The following ARHGAP28 variants were observed in gnomAD, a reference collection of about 807,000 sequenced individuals.
ARHGAP28 encodes rho GTPase-activating protein 28.
In ARHGAP28, 56 loss-of-function variants were observed where a neutral mutation model predicts 90.7. That is an observed-to-expected ratio of 0.62 (90% confidence interval 0.50 to 0.77). ARHGAP28 has a LOEUF of 0.77. Among genes scored for constraint, ARHGAP28 ranks in the 30% least tolerant of loss-of-function variants. ARHGAP28 has a pLI of 0.00. For missense variants in ARHGAP28, 869 were observed against 900.9 expected (o/e 0.96, Z 0.45); for synonymous variants, 308 against 323.3 (o/e 0.95, Z 0.51).
At chr18:6,862,138 T>G (rs990094189) in intron 5 of ARHGAP28, among the ~76,000 whole-genome samples, 3 of 152,218 alleles carry the variant, frequency 2.0e-5, no homozygotes, top group African/African-American at 7.2e-5. Flanking sequence ...AGTGGCTCAC[T>G]GATGCCAAGT....
intron 3 of ARHGAP28, among the ~76,000 whole-genome samples, chr18:6,849,526 C>G (rs988194261): frequency 2.0e-5 from 3 of 152,142 alleles, no homozygotes; most frequent in Admixed American, 6.5e-5. Context: ...CAGATTGTGC[C>G]TTTTACTCTT....
chr18:6,854,585 C>T (rs1299691636), intron 4 of ARHGAP28, among the ~76,000 whole-genome samples: 1 of 152,178 alleles, frequency 6.6e-6, no homozygotes, highest in East Asian at 1.9e-4. Flanking sequence ...TTATTGAAGG[C>T]AGGCCCCTCT....
At chr18:6,900,091 A>C (rs1244589977) in intron 16 of ARHGAP28, among the ~76,000 whole-genome samples, 2 of 152,166 alleles carry the variant, frequency 1.3e-5, no homozygotes, top group Non-Finnish European at 2.9e-5. Context: ...TCCCAATTGG[A>C]GACAATGAGG....
chr18:6,843,293 A>G (rs1008354383), intron 3 of ARHGAP28, among the ~76,000 whole-genome samples: 6 of 152,064 alleles, frequency 3.9e-5, no homozygotes, highest in Non-Finnish European at 8.8e-5. Flanking sequence ...AGAGTTAACT[A>G]CTGCCGCTCT....
chr18:6,794,944 A>G (rs2056431332), intron 1 of ARHGAP28, among the ~76,000 whole-genome samples: 1 of 151,894 alleles, frequency 6.6e-6, no homozygotes, highest in South Asian at 2.1e-4. Flanking sequence ...GGGCCTCCCA[A>G]AGTGCTGAGA....
At chr18:6,860,633 G>A (rs1471205235) in intron 5 of ARHGAP28, among the ~76,000 whole-genome samples, 1 of 152,188 alleles carries the variant, frequency 6.6e-6, no homozygotes, top group Non-Finnish European at 1.5e-5. Flanking sequence ...TGCTGGGGCA[G>A]TTTTTCCTCA....
At chr18:6,911,728 G>A (rs560672373) in intron 17 of ARHGAP28, among the ~76,000 whole-genome samples, 8 of 152,178 alleles carry the variant, frequency 5.3e-5, no homozygotes, top group South Asian at 2.1e-4. Flanking sequence ...GAGCCACTGC[G>A]CCCAGCCCTT....
At chr18:6,812,413 A>G (rs796277752) in intron 1 of ARHGAP28, among the ~76,000 whole-genome samples, 57 of 152,308 alleles carry the variant, frequency 3.7e-4, no homozygotes, top group African/African-American at 1.4e-3. Context: ...TTTGCTCACA[A>G]AAGAGTCTAT....
At chr18:6,760,388 G>A (rs2056149602) in intron 1 of ARHGAP28, among the ~76,000 whole-genome samples, 1 of 152,056 alleles carries the variant, frequency 6.6e-6, no homozygotes, top group South Asian at 2.1e-4. Flanking sequence ...TTAGGTCCAG[G>A]TAAGAAACAA....
chr18:6,819,251 T>G (rs2056611157), intron 1 of ARHGAP28, among the ~76,000 whole-genome samples: 1 of 152,190 alleles, frequency 6.6e-6, no homozygotes, highest in African/African-American at 2.4e-5. Context: ...TACAATGTTT[T>G]GTGGGAGTTC....
In ARHGAP28 at chr18:6,875,922, A is replaced by G. The variant is rs78366945; in HGVS notation, c.1213-209A>G. ...GAGGTTGATCTTGGGAAAGTTGTAT[A>G]ACTGCTATAAATCTCTACTTTCTCA... On this transcript the variant is annotated intron_variant, in intron 9 of 17. Coordinates refer to ENST00000383472, the MANE Select transcript of ARHGAP28 (RefSeq NM_001366230.1). Among the ~76,000 whole-genome samples, 1,420 of 152,340 alleles carry G rather than the reference A, an allele frequency of 9.3e-3. 8 individuals are homozygous for G. Among genetic ancestry groups the G allele is most frequent in the Non-Finnish European group, 0.016 (1,056 of 68,036 alleles).
At position 6,910,927 on chromosome 18, in the gene ARHGAP28, C is replaced by T. The variant is rs796794325; in HGVS notation, c.2096-1133C>T. Among the ~76,000 whole-genome samples the T allele has an allele frequency of 3.3e-5, 5 of 151,950 alleles. 1 individual carries two copies. The highest frequency in any genetic ancestry group is 1.2e-4 in the African/African-American group (5 of 41,434). On this transcript the variant is annotated intron_variant, in intron 17 of 17. Transcript: ENST00000383472. ...TGGCGCGATCTCGGCTCACTGCAAGCTCCGCCTCCCGGGTTCACGCCATTC... is the reference window on the plus strand; with the variant it reads ...TGGCGCGATCTCGGCTCACTGCAAGTTCCGCCTCCCGGGTTCACGCCATTC...
intron 1 of ARHGAP28, among the ~76,000 whole-genome samples, chr18:6,740,905 C>T (rs1163884373): frequency 2.0e-5 from 3 of 152,178 alleles, no homozygotes; most frequent in African/African-American, 7.2e-5. Flanking sequence ...CTTCCCATTA[C>T]CACAGCGTTC....
At chr18:6,784,254 A>G (rs557064936) in intron 1 of ARHGAP28, among the ~76,000 whole-genome samples, 174 of 152,222 alleles carry the variant, frequency 1.1e-3, no homozygotes, top group African/African-American at 3.9e-3. Flanking sequence ...GAGCTTTGTT[A>G]GAAATGCAGA....
rs1555631506 is a variant in ARHGAP28 at position 6,841,190 on chromosome 18, T to TCTC, written c.543+3777_543+3779dup. On this transcript the variant is annotated intron_variant, in intron 3 of 17. Coordinates refer to ENST00000383472, the MANE Select transcript of ARHGAP28 (RefSeq NM_001366230.1). The stretch of plus-strand genomic sequence containing the variant: ...CTCCTCTCTCTCTCTCCTCTCTCTC[T>TCTC]CTCTCTCTCTCTCCTCTCCTCTCTC... 1.9e-3 allele frequency among the ~76,000 whole-genome samples: 125 copies of TCTC among 66,524 alleles called. 1 individual carries two copies. The highest frequency in any genetic ancestry group is 6.2e-3 in the African/African-American group (75 of 12,186). 43.6% of individuals were successfully genotyped at this position (66,524 alleles called of 152,430 possible). A position where few individuals can be genotyped will look rare whatever the true frequency, so the allele number is the denominator to read the frequency against.
chr18:6,799,221 T>G (rs1281268955), intron 1 of ARHGAP28, among the ~76,000 whole-genome samples: 2 of 152,122 alleles, frequency 1.3e-5, no homozygotes, highest in African/African-American at 4.8e-5. Context: ...TGGTTTCTGC[T>G]CAAGGAAATA....
Position 6,914,055 on chromosome 18 carries a change from C to T in ARHGAP28, c.*1901C>T, listed in dbSNP as rs1431387. The T allele has an allele frequency of 6.6e-6, 1 of 152,000 alleles. No homozygotes were observed. The highest frequency in any genetic ancestry group is 2.1e-4 in the South Asian group (1 of 4,828). The allele number at this position is 152,000 out of a possible 1,614,324, so 9.4% of individuals were successfully genotyped here. ...CTGAATGATATTTCTCAGTGTATTT[C>T]CTTGCATTTGAATGGTTCAATTCTG... On this transcript the variant is annotated 3_prime_UTR_variant, in exon 18 of 18. Transcript: ENST00000383472.
chr18:6,894,401 T>G (rs1473534845), intron 14 of ARHGAP28, among the ~76,000 whole-genome samples: 1 of 152,180 alleles, frequency 6.6e-6, no homozygotes, highest in Admixed American at 6.5e-5. Context: ...TTCTTTCCCC[T>G]TTAACATGAA....
intron 16 of ARHGAP28, chr18:6,898,693 TG>T: frequency 1.4e-6 from 2 of 1,412,330 alleles, no homozygotes; most frequent in Non-Finnish European, 1.9e-6. Flanking sequence ...AGAAAGAAAA[TG>T]TTTCTAATAA....
Sources: gnomAD v4.1 joint callset for allele counts (sites outside exome capture counted in the v4.1 genomes callset) on GRCh38, gnomAD v4.1.1 for gene constraint, MANE v1.5 for transcripts, NCBI Gene and HGNC (gene_info 2026-07-23, HGNC 2026-07-21) for gene names.